The following PEBP4 variants were observed in gnomAD, a reference collection of about 807,000 sequenced individuals.
The protein encoded by PEBP4 is phosphatidylethanolamine binding protein 4.
Under a neutral mutation model 23.9 loss-of-function variants are expected in PEBP4, and 22 were observed. That is an observed-to-expected ratio of 0.92 (90% CI 0.66 to 1.31). The LOEUF is 1.31. Among genes scored for constraint, PEBP4 ranks in the 40% most tolerant of loss-of-function variants. PEBP4 has a pLI of 0.00. For synonymous variants in PEBP4, 112 were observed against 99.3 expected, an observed-to-expected ratio of 1.13 and a Z score of -0.76; for missense variants, 324 against 281.7, an observed-to-expected ratio of 1.15 and a Z score of -1.07.
At chr8:22,767,928 G>T (rs1176737414) in intron 4 of PEBP4, among the ~76,000 whole-genome samples, 1 of 152,018 alleles carries the variant, frequency 6.6e-6, no homozygotes, top group East Asian at 1.9e-4. Context: ...TAATAGAGAT[G>T]GGGTTTCTCC....
chr8:22,910,162 G>A (rs1480409523), intron 3 of PEBP4, among the ~76,000 whole-genome samples: 2 of 152,236 alleles, frequency 1.3e-5, no homozygotes, highest in Non-Finnish European at 2.9e-5. Flanking sequence ...TCTCATCACG[G>A]ACAGGGATCA....
chr8:22,779,623 T>G (rs1036926751), intron 4 of PEBP4, among the ~76,000 whole-genome samples: 2 of 152,192 alleles, frequency 1.3e-5, no homozygotes, highest in Non-Finnish European at 2.9e-5. Context: ...TTTGGAAGGC[T>G]GGGTGGTGTC....
chr8:22,765,683 C>T (rs943236257), intron 4 of PEBP4, among the ~76,000 whole-genome samples: 1 of 152,236 alleles, frequency 6.6e-6, no homozygotes, highest in Non-Finnish European at 1.5e-5. Context: ...TGTGTATGTC[C>T]GTGCATGTGA....
chr8:22,796,829 T>C (rs1050545225), intron 4 of PEBP4, among the ~76,000 whole-genome samples: 1 of 152,086 alleles, frequency 6.6e-6, no homozygotes, highest in African/African-American at 2.4e-5. Flanking sequence ...GATGAAATAC[T>C]GCCTATTGGA....
chr8:22,765,535 G>C (rs1805593213), intron 4 of PEBP4, among the ~76,000 whole-genome samples: 1 of 152,118 alleles, frequency 6.6e-6, no homozygotes, highest in Non-Finnish European at 1.5e-5. Flanking sequence ...ACCTGGGAGG[G>C]ACCCCCTGCC....
intron 6 of PEBP4, among the ~76,000 whole-genome samples, 194 bp from the exon 7 acceptor site, chr8:22,713,730 A>C (rs894588295): frequency 1.6e-4 from 24 of 152,230 alleles, no homozygotes; most frequent in African/African-American, 5.5e-4. Flanking sequence ...GAGCCTCTGA[A>C]CAGCAGCAGA....
chr8:22,879,298 G>A (rs1808193547), intron 3 of PEBP4: 1 of 152,246 alleles, frequency 6.6e-6, no homozygotes, highest in Admixed American at 6.5e-5. Flanking sequence ...CAGGCCGTGA[G>A]CGCCCCAGAG....
At chr8:22,732,528 C>T (rs36050793) in intron 4 of PEBP4, among the ~76,000 whole-genome samples, 1 of 151,900 alleles carries the variant, frequency 6.6e-6, no homozygotes, top group Non-Finnish European at 1.5e-5. Context: ...GTGTAACAAA[C>T]CTGCACATCC....
chr8:22,852,656 G>A (rs907446936), intron 3 of PEBP4, among the ~76,000 whole-genome samples: 2 of 151,626 alleles, frequency 1.3e-5, no homozygotes, highest in African/African-American at 2.4e-5. Context: ...GTTCCTGGCC[G>A]TGCAAAGTCC....
At chr8:22,763,280 C>T (rs1353203673) in intron 4 of PEBP4, among the ~76,000 whole-genome samples, 1 of 152,222 alleles carries the variant, frequency 6.6e-6, no homozygotes. Flanking sequence ...GCTGGGATTA[C>T]AGGTGTGAGC....
chr8:22,747,944 C>T (rs1253722368), intron 4 of PEBP4, among the ~76,000 whole-genome samples: 1 of 152,224 alleles, frequency 6.6e-6, no homozygotes, highest in Non-Finnish European at 1.5e-5. Flanking sequence ...GCTGTGGGTC[C>T]TGGCGCTGGA....
intron 6 of PEBP4, among the ~76,000 whole-genome samples, chr8:22,715,869 G>A (rs1252929467): frequency 6.6e-6 from 1 of 152,198 alleles, no homozygotes; most frequent in Non-Finnish European, 1.5e-5. Context: ...GGGTGTGTGG[G>A]GAGAGCTGGA....
chr8:22,796,079 C>T (rs1230466438), intron 4 of PEBP4, among the ~76,000 whole-genome samples: 1 of 152,196 alleles, frequency 6.6e-6, no homozygotes, highest in African/African-American at 2.4e-5. Flanking sequence ...CAGTGTCCTC[C>T]AATATGGCGG....
chr8:22,729,223 C>T (rs1804682770), intron 4 of PEBP4, among the ~76,000 whole-genome samples: 1 of 152,222 alleles, frequency 6.6e-6, no homozygotes, highest in African/African-American at 2.4e-5. Flanking sequence ...CAGCCACTCT[C>T]CCTACAGAGC....
intron 3 of PEBP4, among the ~76,000 whole-genome samples, chr8:22,826,035 G>A (rs1023157739): frequency 6.6e-6 from 1 of 152,154 alleles, no homozygotes; most frequent in Non-Finnish European, 1.5e-5. Context: ...GGCGTGGGGT[G>A]GTGGGGGGAC....
intron 4 of PEBP4, among the ~76,000 whole-genome samples, chr8:22,731,682 G>A (rs1013888379): frequency 8.6e-5 from 13 of 150,568 alleles, no homozygotes; most frequent in East Asian, 1.9e-4. Context: ...TTTTTGAGAC[G>A]GAGTCTCGCT....
intron 1 of PEBP4, among the ~76,000 whole-genome samples, chr8:22,935,754 G>A (rs755242383): frequency 2.6e-5 from 4 of 152,036 alleles, no homozygotes; most frequent in Non-Finnish European, 5.9e-5. Flanking sequence ...TAAATTTCAT[G>A]TTTAGACTTA....
chr8:22,854,132 G>T (rs1807595862), intron 3 of PEBP4, among the ~76,000 whole-genome samples: 1 of 152,236 alleles, frequency 6.6e-6, no homozygotes, highest in African/African-American at 2.4e-5. Flanking sequence ...CTAGAGGACT[G>T]GATATGGCCC....
At chr8:22,770,500 AG>A (rs917071258) in intron 4 of PEBP4, among the ~76,000 whole-genome samples, 3 of 152,090 alleles carry the variant, frequency 2.0e-5, no homozygotes, top group African/African-American at 7.2e-5. Flanking sequence ...GGCCCAGCCC[AG>A]GGGTCCAGGC....
Sources: allele counts gnomAD v4.1 joint callset (sites outside exome capture counted in the v4.1 genomes callset), GRCh38; gene constraint gnomAD v4.1.1; transcripts MANE v1.5; gene names NCBI Gene and HGNC (gene_info 2026-07-23, HGNC 2026-07-21).